The following CSMD1 variants were observed in gnomAD, a reference collection of about 807,000 sequenced individuals.
The protein encoded by CSMD1 is CUB and Sushi multiple domains 1.
A neutral mutation model predicts 417.5 loss-of-function variants in CSMD1; 213 were observed. The observed-to-expected ratio is 0.51, with a 90% CI of 0.46 to 0.57. The LOEUF is 0.57. Among genes scored for constraint, CSMD1 ranks in the 20% least tolerant of loss-of-function variants. The pLI, the probability that CSMD1 is intolerant of heterozygous loss-of-function variation, is 0.00. For missense variants in CSMD1, 6,923 were observed against 4,529.7 expected (o/e 1.53, Z -15.17); for synonymous variants, 2,862 against 1,736.8 (o/e 1.65, Z -16.11).
chr8:4,060,743 G>A (rs1585228468), intron 3 of CSMD1, among the ~76,000 whole-genome samples: 1 of 152,104 alleles, frequency 6.6e-6, no homozygotes, highest in Non-Finnish European at 1.5e-5. Flanking sequence ...AAGCATCACA[G>A]CTATTCATGT....
chr8:4,649,213 T>C (rs1382261786), intron 1 of CSMD1, among the ~76,000 whole-genome samples: 1 of 152,178 alleles, frequency 6.6e-6, no homozygotes, highest in Admixed American at 6.5e-5. Flanking sequence ...ATATTCCAAG[T>C]GCCAAGCACA....
intron 11 of CSMD1, among the ~76,000 whole-genome samples, chr8:3,477,999 G>T (rs1472114534): frequency 6.6e-6 from 1 of 152,150 alleles, no homozygotes; most frequent in Non-Finnish European, 1.5e-5. Context: ...TAAATACAAT[G>T]TTAAAACTGA....
intron 15 of CSMD1, among the ~76,000 whole-genome samples, chr8:3,404,961 T>G (rs932260648): frequency 1.3e-5 from 2 of 152,216 alleles, no homozygotes; most frequent in Admixed American, 6.5e-5. Context: ...AAAACCTGTA[T>G]AGTTGCTTAT....
At chr8:3,567,875 C>T (rs1016434470) in intron 10 of CSMD1, among the ~76,000 whole-genome samples, 22 of 152,098 alleles carry the variant, frequency 1.4e-4, no homozygotes, top group African/African-American at 4.1e-4. Flanking sequence ...GACTCCTTAT[C>T]CTCATCACTC....
chr8:3,698,739 C>A (rs1010710232), intron 7 of CSMD1, among the ~76,000 whole-genome samples: 3 of 152,200 alleles, frequency 2.0e-5, no homozygotes, highest in African/African-American at 4.8e-5. Flanking sequence ...TAAAGAGGAT[C>A]ATGTTCATTA....
intron 41 of CSMD1, among the ~76,000 whole-genome samples, chr8:3,124,737 T>C (rs1337704823): frequency 2.6e-5 from 4 of 152,196 alleles, no homozygotes; most frequent in African/African-American, 9.7e-5. Context: ...TTAGAACACA[T>C]TTTATAAGTG....
intron 3 of CSMD1, among the ~76,000 whole-genome samples, chr8:4,213,840 C>T (rs759195066): frequency 6.6e-6 from 1 of 152,152 alleles, no homozygotes; most frequent in African/African-American, 2.4e-5. Context: ...AGTTATTGAA[C>T]CCCAGTGTTT....
At chr8:4,044,910 A>C (rs552193211) in intron 3 of CSMD1, among the ~76,000 whole-genome samples, 1 of 148,796 alleles carries the variant, frequency 6.7e-6, no homozygotes, top group East Asian at 2.0e-4. Context: ...TCTCCCACAA[A>C]AAGTTAAATT....
intron 10 of CSMD1, among the ~76,000 whole-genome samples, chr8:3,529,716 A>T (rs541715630): frequency 6.6e-6 from 1 of 152,166 alleles, no homozygotes; most frequent in Non-Finnish European, 1.5e-5. Context: ...CTTGGGAGAT[A>T]TATCTGTTGT....
chr8:3,284,242 G>A lies in CSMD1; in HGVS notation c.4055C>T (p.Ala1352Val), dbSNP rs749447050. 1.2e-6 allele frequency: 2 copies of A among 1,613,656 alleles called. No individual in the cohort carries two copies. The highest frequency in any genetic ancestry group is 1.1e-5 in the South Asian group (1 of 90,988). The change falls in exon 26 of 70, where the codon GCC (alanine) becomes GTC (valine). Residue 1352 changes from alanine (A) to valine (V), a missense_variant. Physicochemically the swap from Ala to Val is moderately conservative, Grantham distance 64. Coordinates refer to ENST00000635120, the MANE Select transcript of CSMD1 (RefSeq NM_033225.6). ...GGTGCTGTGGATGTCCTCCGGAAGG[G>A]CGGAGCCACTCCACTCCTTCAGCAG... ...DILLKEWSGS[A>V]LPEDIHSTFN...
At chr8:3,629,077 G>C (rs1017642682) in intron 7 of CSMD1, among the ~76,000 whole-genome samples, 1 of 152,166 alleles carries the variant, frequency 6.6e-6, no homozygotes, top group African/African-American at 2.4e-5. Context: ...GACACAAGAG[G>C]AGTGAGAAGT....
chr8:4,884,940 G>C (rs1294967694), intron 1 of CSMD1, among the ~76,000 whole-genome samples: 2 of 152,084 alleles, frequency 1.3e-5, no homozygotes, highest in Non-Finnish European at 2.9e-5. Context: ...CTTAACTGAA[G>C]ATTGCTGTAG....
At chr8:4,149,145 G>C (rs986742129) in intron 3 of CSMD1, among the ~76,000 whole-genome samples, 13 of 151,948 alleles carry the variant, frequency 8.6e-5, no homozygotes, top group African/African-American at 2.9e-4. Context: ...TCTATTTTTA[G>C]TAGAGACAGG....
chr8:3,803,191 T>C (rs1399833080), intron 5 of CSMD1, among the ~76,000 whole-genome samples: 2 of 152,014 alleles, frequency 1.3e-5, no homozygotes, highest in African/African-American at 4.8e-5. Flanking sequence ...CATTCATTTG[T>C]TCAGAAATAA....
At chr8:3,170,616 G>A (rs1820528307) in intron 37 of CSMD1, among the ~76,000 whole-genome samples, 1 of 152,126 alleles carries the variant, frequency 6.6e-6, no homozygotes, top group Admixed American at 6.5e-5. Context: ...TGTAGCATGA[G>A]CTCCTAAAGA....
chr8:3,772,167 CATAT>C lies in CSMD1; in HGVS notation c.819-18129_819-18126del, dbSNP rs375018980. On this transcript the variant is annotated intron_variant, in intron 5 of 69. Coordinates refer to ENST00000635120, the MANE Select transcript of CSMD1 (RefSeq NM_033225.6). ...CTCCTTGAATTCTCAGAAAGGGCAA[CATAT>C]ATATATATATATATATATACACACA... 8.2e-4 allele frequency among the ~76,000 whole-genome samples: 37 copies of C among 44,868 alleles called. 1 individual carries two copies. Among genetic ancestry groups the C allele is most frequent in the Middle Eastern group, 0.013 (1 of 78 alleles). 29.4% of individuals were successfully genotyped at this position (44,868 alleles called of 152,430 possible). A position where few individuals can be genotyped will look rare whatever the true frequency, so the allele number is the denominator to read the frequency against.
At chr8:4,825,454 C>T (rs1166371851) in intron 1 of CSMD1, among the ~76,000 whole-genome samples, 1 of 152,048 alleles carries the variant, frequency 6.6e-6, no homozygotes, top group African/African-American at 2.4e-5. Context: ...AGAACTTACT[C>T]AGTTTGCATG....
At chr8:3,358,565 C>T (rs1315295900) in intron 21 of CSMD1, among the ~76,000 whole-genome samples, 1 of 152,082 alleles carries the variant, frequency 6.6e-6, no homozygotes, top group East Asian at 1.9e-4. Context: ...CCTAGTACTT[C>T]ATGGCAAAGT....
chr8:4,454,117 C>G (rs754296444), intron 2 of CSMD1, among the ~76,000 whole-genome samples: 1 of 152,096 alleles, frequency 6.6e-6, no homozygotes, highest in African/African-American at 2.4e-5. Flanking sequence ...CCACTGTGCC[C>G]AGCCTGCAAT....
Sources: allele counts gnomAD v4.1 joint callset (sites outside exome capture counted in the v4.1 genomes callset), GRCh38; gene constraint gnomAD v4.1.1; transcripts MANE v1.5; gene names NCBI Gene and HGNC (gene_info 2026-07-23, HGNC 2026-07-21).